The following TNFAIP3 variants were observed in gnomAD, a reference collection of about 807,000 sequenced individuals.
TNFAIP3 encodes the protein TNF alpha induced protein 3, also known as tumor necrosis factor alpha-induced protein 3.
Under a neutral mutation model 72.4 loss-of-function variants are expected in TNFAIP3, and 9 were observed. The observed-to-expected ratio is 0.12, with a 90% CI of 0.07 to 0.22. The LOEUF is 0.22. Ranked by LOEUF, TNFAIP3 falls within the 10% of genes least tolerant of loss-of-function variation. TNFAIP3 has a pLI of 1.00. For synonymous variants in TNFAIP3, 339 were observed against 372.6 expected, an observed-to-expected ratio of 0.91 and a Z score of 1.04; for missense variants, 833 against 1,018.7, an observed-to-expected ratio of 0.82 and a Z score of 2.48.
chr6:137,868,476 T>A (rs1775919925), intron 1 of TNFAIP3, among the ~76,000 whole-genome samples: 1 of 152,198 alleles, frequency 6.6e-6, no homozygotes, highest in Non-Finnish European at 1.5e-5. Flanking sequence ...TTTTCAATTC[T>A]TTGTACTATT....
Position 137,878,780 on chromosome 6 carries a change from C to T in TNFAIP3, c.1335C>T (p.Pro445=). ...CCTCTCGGGGAGAAGCCTATGAGCC[C>T]TTGGCGTGGAACCCTGAGGAGTCCA... The part of the protein sequence containing the change: ...LGASRGEAYE[P]LAWNPEESTG... Residue 445 remains proline, a synonymous_variant, in exon 7 of 9, where the codon CCC becomes CCT. Transcript: ENST00000612899. 6.2e-7 allele frequency: 1 copy of T among 1,614,118 alleles called. No individual in the cohort carries two copies. The highest frequency in any genetic ancestry group is 2.2e-5 in the East Asian group (1 of 44,882).
At position 137,876,649 on chromosome 6, in the gene TNFAIP3, T is replaced by C. The variant is rs562932069; in HGVS notation, c.806-427T>C. Among the ~76,000 whole-genome samples, 10 of 152,344 alleles carry C rather than the reference T, an allele frequency of 6.6e-5. No individual in the cohort carries two copies. In the South Asian group the frequency reaches 2.1e-3, roughly 32 times the overall value. On this transcript the variant is annotated intron_variant, in intron 5 of 8. Coordinates refer to ENST00000612899, the MANE Select transcript of TNFAIP3 (RefSeq NM_001270508.2). Reference sequence around the variant, plus strand: ...CTCATGTGGAATAAGCACTGTGCTTTGGAAATATTATTTTACTGCATTTTT... The same window carrying C: ...CTCATGTGGAATAAGCACTGTGCTTCGGAAATATTATTTTACTGCATTTTT...
At chr6:137,869,331 A>ATGGG (rs1775959914) in intron 1 of TNFAIP3, among the ~76,000 whole-genome samples, 2 of 147,460 alleles carry the variant, frequency 1.4e-5, no homozygotes, top group Admixed American at 1.4e-4. Flanking sequence ...GGGTGGATGG[A>ATGGG]TGGATAGATG....
intron 2 of TNFAIP3, among the ~76,000 whole-genome samples, chr6:137,872,936 A>T (rs1776109521): frequency 6.6e-6 from 1 of 152,088 alleles, no homozygotes; most frequent in African/African-American, 2.4e-5. Context: ...TTTTAGCTTT[A>T]TTTCCTTAAG....
chr6:137,876,193 T>C, intron 5 of TNFAIP3, 27 bp downstream of exon 5: 1 of 1,586,318 alleles, frequency 6.3e-7, no homozygotes, highest in Non-Finnish European at 8.6e-7. Context: ...AATTCACATC[T>C]ATAACTAGAC....
intron 8 of TNFAIP3, among the ~76,000 whole-genome samples, chr6:137,880,706 T>C (rs578107500): frequency 4.4e-4 from 67 of 152,302 alleles, no homozygotes; most frequent in South Asian, 1.4e-3. Context: ...GTGTGTCGCC[T>C]GTTGCTCACA....
intron 1 of TNFAIP3, among the ~76,000 whole-genome samples, chr6:137,869,146 C>T (rs1408636650): frequency 6.6e-6 from 1 of 152,180 alleles, no homozygotes. Flanking sequence ...CAAAACTTTG[C>T]CCCTGAATGG....
intron 1 of TNFAIP3, among the ~76,000 whole-genome samples, chr6:137,868,904 G>C (rs562031846): frequency 1.3e-5 from 2 of 152,166 alleles, no homozygotes; most frequent in African/African-American, 2.4e-5. Flanking sequence ...ATTGACATTT[G>C]CATGTCTTGC....
chr6:137,873,094 A>G (rs1277631676), intron 2 of TNFAIP3, among the ~76,000 whole-genome samples: 1 of 152,218 alleles, frequency 6.6e-6, no homozygotes, highest in Non-Finnish European at 1.5e-5. Context: ...TTTCTGGGAA[A>G]TCATTTTTAG....
chr6:137,879,426 A>G (rs1776373014), intron 7 of TNFAIP3, 75 bp downstream of exon 7: 1 of 1,497,132 alleles, frequency 6.7e-7, no homozygotes, highest in South Asian at 1.3e-5. Flanking sequence ...TTTAAGAAAA[A>G]AAGCCCATGT....
In TNFAIP3 at chr6:137,878,733, C is replaced by T. The variant is rs2114499001; in HGVS notation, c.1288C>T (p.Leu430Phe). The T allele has an allele frequency of 6.2e-7, 1 of 1,614,114 alleles. No homozygotes were observed. The highest frequency in any genetic ancestry group is 8.5e-7 in the Non-Finnish European group (1 of 1,180,022). The change falls in exon 7 of 9, where the codon CTC (leucine) becomes TTC (phenylalanine). Residue 430 changes from leucine (L) to phenylalanine (F), a missense_variant. Around this residue, in one of 2 missense-constraint regions of TNFAIP3, gnomAD observed 587 missense variants for 657.8 expected, o/e 0.89. Transcript: ENST00000612899. ...GAACTCCAAGCCGGGCCCTGAGGGG[C>T]TCCCTGGCATGGCGCTCGGGGCCTC... Reference protein sequence around the residue: ...KLNSKPGPEGLPGMALGASRG... With the variant: ...KLNSKPGPEGFPGMALGASRG...
At position 137,881,383 on chromosome 6, in the gene TNFAIP3, T is replaced by A; in HGVS notation, c.*64T>A. The A allele has an allele frequency of 6.9e-7, 1 of 1,443,168 alleles. No homozygotes were observed. Among genetic ancestry groups the A allele is most frequent in the Non-Finnish European group, 9.4e-7 (1 of 1,066,260 alleles). The allele number at this position is 1,443,168 out of a possible 1,614,324, so 89.4% of individuals were successfully genotyped here. A position where few individuals can be genotyped will look rare whatever the true frequency, so the allele number is the denominator to read the frequency against. ...CTCGAGCTGTCAGTCATCATGGTGC[T>A]ATCCTCTGAACCCCTCAGCTGCCAC... On this transcript the variant is annotated 3_prime_UTR_variant, in exon 9 of 9. Coordinates refer to ENST00000612899, the MANE Select transcript of TNFAIP3 (RefSeq NM_001270508.2). The surrounding 1 kb of genome is among the most constrained non-coding windows in gnomAD (Gnocchi z 5.0).
At chr6:137,879,933 C>A in intron 7 of TNFAIP3, 138 bp from the exon 8 acceptor site, 1 of 645,924 alleles carries the variant, frequency 1.5e-6, no homozygotes, top group Non-Finnish European at 2.6e-6. Context: ...TAGACTTAAA[C>A]ATATACATAT....
chr6:137,874,956 G>A lies in TNFAIP3; in HGVS notation c.407G>A (p.Arg136His), dbSNP rs1405321250. 6.8e-6 allele frequency: 11 copies of A among 1,614,082 alleles called. No homozygotes were observed. Among genetic ancestry groups the A allele is most frequent in the East Asian group, 2.2e-5 (1 of 44,902 alleles). The change falls in exon 3 of 9, where the codon CGC (arginine) becomes CAC (histidine). Residue 136 changes from arginine (R) to histidine (H), a missense_variant. Arg to His is a conservative substitution (Grantham distance 29, BLOSUM62 0). Transcript: ENST00000612899. Reference sequence around the variant, plus strand: ...AGCACGCTCAAGGAAACAGACACACGCAACTTTAAATTCCGCTGGCAACTG... The same window carrying A: ...AGCACGCTCAAGGAAACAGACACACACAACTTTAAATTCCGCTGGCAACTG... ...LFSTLKETDT[R>H]NFKFRWQLES...
At position 137,871,582 on chromosome 6, in the gene TNFAIP3, C is replaced by T; in HGVS notation, c.295+60C>T. 2 of 1,565,580 alleles carry T rather than the reference C, an allele frequency of 1.3e-6. No individual in the cohort carries two copies. Among genetic ancestry groups the T allele is most frequent in the Admixed American group, 3.6e-5 (2 of 55,002 alleles). ...GTGATAGCTCCCGCCTGCTGGATCC[C>T]CATTCATGAAGCTTTAATAGGACAA... On this transcript the variant is annotated intron_variant, in intron 2 of 8. Transcript: ENST00000612899. This position sits in a 1 kb window ranked among gnomAD's most constrained non-coding sequence, Gnocchi z 4.2.
At chr6:137,866,665 G>C (rs1485520085), upstream of TNFAIP3, 1 of 152,410 alleles carries the variant, frequency 6.6e-6, no homozygotes, top group African/African-American at 2.4e-5. Context: ...AGGAACAATG[G>C]AGATGGGGAC....
rs563370728 is a variant in TNFAIP3 at position 137,880,245 on chromosome 6, A to G, written c.2081A>G (p.Glu694Gly). 1.9e-6 allele frequency: 3 copies of G among 1,614,102 alleles called. No homozygotes were observed. ...QRFHEAKRTE[E>G]QLRSSQRRDV... ...TTTCATGAGGCCAAAAGGACAGAAG[A>G]GCAACTGGTGAGACACTTGGAGGAG... Residue 694 changes from glutamate to glycine, a missense_variant, in exon 8 of 9, where the codon GAG (glutamate) becomes GGG (glycine). Transcript: ENST00000612899.
In TNFAIP3 at chr6:137,878,633, G is replaced by A; in HGVS notation, c.1188G>A (p.Met396Ile). ...AAACGCCCAACTGCCCCTTCTTCATGTCTGTGAACACCCAGCCTTTATGCC... is the reference window on the plus strand; with the variant it reads ...AAACGCCCAACTGCCCCTTCTTCATATCTGTGAACACCCAGCCTTTATGCC... ...KCETPNCPFF[M>I]SVNTQPLCHE... is the part of the protein sequence containing the mutation. The change falls in exon 7 of 9, where the codon ATG (methionine) becomes ATA (isoleucine). Residue 396 changes from methionine (M) to isoleucine (I), a missense_variant. Met to Ile is a conservative substitution (Grantham distance 10). Around this residue, in one of 2 missense-constraint regions of TNFAIP3, gnomAD observed 587 missense variants for 657.8 expected, o/e 0.89. Coordinates refer to ENST00000612899, the MANE Select transcript of TNFAIP3 (RefSeq NM_001270508.2). 6.2e-7 allele frequency: 1 copy of A among 1,614,212 alleles called. No homozygotes were observed. The highest frequency in any genetic ancestry group is 2.2e-5 in the East Asian group (1 of 44,882).
chr6:137,879,449 A>C, intron 7 of TNFAIP3, 98 bp downstream of exon 7: 1 of 1,377,686 alleles, frequency 7.3e-7, no homozygotes, highest in Non-Finnish European at 9.8e-7. Flanking sequence ...GCAGTCAGGC[A>C]GAACTGTCAG....
Sources: gnomAD v4.1 joint callset for allele counts (sites outside exome capture counted in the v4.1 genomes callset) on GRCh38, gnomAD v4.1.1 for gene constraint, gnomAD v4.1.1 regional missense constraint, Gnocchi (gnomAD v3.1) non-coding constraint, MANE v1.5 for transcripts, NCBI Gene and HGNC (gene_info 2026-07-23, HGNC 2026-07-21) for gene names.